The following OXR1 variants were observed in gnomAD, a reference collection of about 807,000 sequenced individuals.
OXR1 encodes oxidation resistance 1, also known as oxidation resistance protein 1.
A neutral mutation model predicts 104.6 loss-of-function variants in OXR1; 41 were observed. That is an observed-to-expected ratio of 0.39 (90% CI 0.31 to 0.51). The LOEUF (loss-of-function observed/expected upper bound fraction) is 0.51, where lower values mean the gene tolerates loss of function less well. Ranked by LOEUF, OXR1 falls within the 20% of genes least tolerant of loss-of-function variation. The probability of loss-of-function intolerance (pLI) is 0.77; values close to 1 mark genes in which losing one functional copy is unlikely to be tolerated. For synonymous variants in OXR1, 348 were observed against 348.4 expected (o/e 1.00, Z 0.01); for missense variants, 955 against 1,031.9 (o/e 0.93, Z 1.02).
intron 2 of OXR1, among the ~76,000 whole-genome samples, chr8:106,474,844 T>G (rs1821715641): frequency 1.3e-5 from 2 of 151,966 alleles, no homozygotes; most frequent in African/African-American, 2.4e-5. Context: ...TAATAAACTG[T>G]ACCTATTTCA....
chr8:106,487,329 C>A (rs1810734697), intron 2 of OXR1, among the ~76,000 whole-genome samples: 1 of 117,642 alleles, frequency 8.5e-6, no homozygotes, highest in African/African-American at 3.0e-5. Context: ...CTGATCTAAA[C>A]CAGGTATTTC....
intron 3 of OXR1, among the ~76,000 whole-genome samples, chr8:106,626,841 A>G (rs2130871638): frequency 6.6e-6 from 1 of 151,124 alleles, no homozygotes; most frequent in East Asian, 1.9e-4. Flanking sequence ...TATATATTAT[A>G]ATTATCATAT....
chr8:106,478,500 CAGAAT>C (rs2129719212), intron 2 of OXR1, among the ~76,000 whole-genome samples: 1 of 151,718 alleles, frequency 6.6e-6, no homozygotes, highest in South Asian at 2.1e-4. Context: ...TCTTTTGTGT[CAGAAT>C]AGTAAGTAAG....
intron 1 of OXR1, among the ~76,000 whole-genome samples, chr8:106,336,934 G>A (rs936590996): frequency 2.6e-5 from 4 of 152,170 alleles, no homozygotes; most frequent in African/African-American, 4.8e-5. Flanking sequence ...TTAGGCAAAT[G>A]TGTATACCAT....
At chr8:106,682,335 C>G (rs1415119843) in intron 4 of OXR1, among the ~76,000 whole-genome samples, 1 of 141,746 alleles carries the variant, frequency 7.1e-6, no homozygotes, top group African/African-American at 2.6e-5. Flanking sequence ...GTGGCGCAAT[C>G]TCGGCTCACT....
intron 1 of OXR1, among the ~76,000 whole-genome samples, chr8:106,337,635 T>C (rs1465453731): frequency 1.3e-5 from 2 of 152,326 alleles, no homozygotes; most frequent in South Asian, 4.1e-4. Flanking sequence ...TACTTAAACA[T>C]TGTCAGAATG....
intron 6 of OXR1, among the ~76,000 whole-genome samples, chr8:106,684,826 C>A (rs1471668646): frequency 1.3e-5 from 2 of 152,232 alleles, no homozygotes; most frequent in East Asian, 1.9e-4. Context: ...ATTTATCTAG[C>A]ATTTCTAAGG....
chr8:106,587,248 A>G (rs982655411), intron 3 of OXR1, among the ~76,000 whole-genome samples: 1 of 151,972 alleles, frequency 6.6e-6, no homozygotes, highest in Non-Finnish European at 1.5e-5. Flanking sequence ...TCGATGTGGT[A>G]TTGAGTCTGT....
intron 2 of OXR1, among the ~76,000 whole-genome samples, chr8:106,487,900 T>C (rs1235665696): frequency 6.6e-6 from 1 of 151,926 alleles, no homozygotes; most frequent in Non-Finnish European, 1.5e-5. Context: ...CATGTGTCTT[T>C]AGAGCAGCAT....
Position 106,531,780 on chromosome 8 carries a change from G to C in OXR1, c.220+12641G>C, listed in dbSNP as rs183274575. ...AAAAGGTACGTGGTGTGCTGTTTGG[G>C]GTACAAAGTTTTTACTTCCTGCTTT... is the stretch of plus-strand genomic sequence containing the variant. On this transcript the variant is annotated intron_variant, in intron 3 of 16. Coordinates refer to ENST00000517566, the MANE Select transcript of OXR1 (RefSeq NM_001198533.2). Among the ~76,000 whole-genome samples, 1,302 of 152,212 alleles carry C rather than the reference G, an allele frequency of 8.6e-3. 23 individuals carry two copies. Among genetic ancestry groups the C allele is most frequent in the African/African-American group, 0.029 (1,208 of 41,540 alleles).
rs537651508 is a variant in OXR1 at position 106,683,215 on chromosome 8, C to A, written c.320C>A (p.Ser107Tyr). 6 of 1,570,448 alleles carry A rather than the reference C, an allele frequency of 3.8e-6. No homozygotes were observed. The African/African-American group carries it at 6.7e-5, about 18-fold the overall frequency. ...TTTAAACAGGTTGAATCAAGGGATT[C>A]TTTGAATAGCATAGCCCTGAAGTTT... ...TIEYTVESRD[S>Y]LNSIALKFDT... is the part of the protein sequence containing the mutation. Residue 107 changes from serine to tyrosine, a missense_variant, in exon 5 of 17, where the codon TCT (serine) becomes TAT (tyrosine). Physicochemically the swap from Ser to Tyr is moderately radical, Grantham distance 144. This residue lies in a region of OXR1 where 849 missense variants were observed against 852.9 expected (regional missense o/e 1.00). Transcript: ENST00000517566.
intron 3 of OXR1, among the ~76,000 whole-genome samples, chr8:106,666,244 A>AT (rs1377613083): frequency 6.6e-6 from 1 of 152,072 alleles, no homozygotes; most frequent in Non-Finnish European, 1.5e-5. Context: ...TCTGTTTTGG[A>AT]TTTTTTTGAG....
At chr8:106,694,722 T>A (rs188679214) in intron 7 of OXR1, among the ~76,000 whole-genome samples, 17 of 100,516 alleles carry the variant, frequency 1.7e-4, no homozygotes, top group Admixed American at 1.1e-3. Context: ...ATAAATATAT[T>A]TTTATATATT....
chr8:106,424,820 G>T (rs1202152707), intron 2 of OXR1, among the ~76,000 whole-genome samples: 8 of 151,934 alleles, frequency 5.3e-5, no homozygotes, highest in Admixed American at 2.6e-4. Flanking sequence ...AAAAAATGGT[G>T]TTATTTTTAT....
intron 3 of OXR1, among the ~76,000 whole-genome samples, chr8:106,558,091 CTTCCATTTCACCATGTACA>C (rs1346640342): frequency 1.5e-4 from 23 of 152,174 alleles, no homozygotes. Flanking sequence ...TCTCTCTAAA[CTTCCATTTCACCATGTACA>C]GAGTGGGCGT....
intron 2 of OXR1, among the ~76,000 whole-genome samples, chr8:106,383,080 TA>T (rs1396475193): frequency 6.6e-6 from 1 of 151,986 alleles, no homozygotes; most frequent in Non-Finnish European, 1.5e-5. Context: ...TTGGTAACCA[TA>T]TCTTTGGAGA....
Position 106,323,681 on chromosome 8 carries a change from C to T in OXR1, c.-138-35795C>T, listed in dbSNP as rs367888359. ...ATTTACAAGATAAAAACAAAAACCCCATTAAAAAGTGCGCAAAGGACATGA... is the reference window on the plus strand; with the variant it reads ...ATTTACAAGATAAAAACAAAAACCCTATTAAAAAGTGCGCAAAGGACATGA... On this transcript the variant is annotated intron_variant, in intron 1 of 16. Coordinates refer to ENST00000517566, the MANE Select transcript of OXR1 (RefSeq NM_001198533.2). Among the ~76,000 whole-genome samples the T allele has an allele frequency of 3.9e-4, 60 of 152,040 alleles. 1 individual carries two copies. In the East Asian group the frequency reaches 7.9e-3, roughly 20 times the overall value.
chr8:106,449,964 A>G (rs1229034492), intron 2 of OXR1, among the ~76,000 whole-genome samples: 1 of 152,184 alleles, frequency 6.6e-6, no homozygotes, highest in Non-Finnish European at 1.5e-5. Context: ...AAAAATAACA[A>G]TATAAACATT....
chr8:106,647,447 GA>G (rs1226910111), intron 3 of OXR1, among the ~76,000 whole-genome samples: 3 of 152,048 alleles, frequency 2.0e-5, no homozygotes, highest in Admixed American at 1.3e-4. Context: ...ATATGATAAG[GA>G]ATTTGAATGT....
Sources: gnomAD v4.1 joint callset for allele counts (sites outside exome capture counted in the v4.1 genomes callset) on GRCh38, gnomAD v4.1.1 for gene constraint, gnomAD v4.1.1 regional missense constraint, MANE v1.5 for transcripts, NCBI Gene and HGNC (gene_info 2026-07-23, HGNC 2026-07-21) for gene names.